The following RPS6KC1 variants were observed in gnomAD, a reference collection of about 807,000 sequenced individuals.
RPS6KC1 encodes ribosomal protein S6 kinase C1.
A neutral mutation model predicts 103.8 loss-of-function variants in RPS6KC1; 54 were observed. That is an observed-to-expected ratio of 0.52 (90% CI 0.42 to 0.65). The LOEUF is 0.65. Among genes scored for constraint, RPS6KC1 ranks in the 30% least tolerant of loss-of-function variants. The probability of loss-of-function intolerance (pLI) is 0.00; values close to 1 mark genes in which losing one functional copy is unlikely to be tolerated. For missense variants in RPS6KC1, 1,151 were observed against 1,253.8 expected, an observed-to-expected ratio of 0.92 and a Z score of 1.24; for synonymous variants, 439 against 438.7, an observed-to-expected ratio of 1.00 and a Z score of -0.01.
rs1241391605 is a variant in RPS6KC1 at position 213,205,110 on chromosome 1, C to CT, written c.1045-25386dup. The CT allele has an allele frequency of 4.2e-5, 10 of 239,104 alleles. No homozygotes were observed. The South Asian group carries it at 9.2e-4, about 22-fold the overall frequency. The allele number at this position is 239,104 out of a possible 1,614,324, so 14.8% of individuals were successfully genotyped here. ...AGATACATCTCTTTGGATCCATGCT[C>CT]TAAGTAGAATTGTGTTGTATACCTT... is the stretch of plus-strand genomic sequence containing the variant. On this transcript the variant is annotated intron_variant, in intron 8 of 14. Coordinates refer to ENST00000366960, the MANE Select transcript of RPS6KC1 (RefSeq NM_012424.6).
At chr1:213,057,220 C>T (rs187076937) in intron 1 of RPS6KC1, among the ~76,000 whole-genome samples, 43 of 152,186 alleles carry the variant, frequency 2.8e-4, no homozygotes, top group Admixed American at 2.3e-3. Flanking sequence ...GGATTACAGG[C>T]GTGAGCCACC....
At chr1:213,626,990 G>A in the RPS6KC1 span, among the ~76,000 whole-genome samples, 37 of 152,276 alleles carry the variant, frequency 2.4e-4, no homozygotes, top group South Asian at 1.5e-3. Flanking sequence ...GATAGGGATA[G>A]CATTGAATCT....
chr1:213,529,856 A>G, the RPS6KC1 span, among the ~76,000 whole-genome samples: 2 of 152,238 alleles, frequency 1.3e-5, no homozygotes, highest in South Asian at 2.1e-4. Flanking sequence ...TGGTAGGCCA[A>G]TTCTCCTCTG....
intron 8 of RPS6KC1, among the ~76,000 whole-genome samples, chr1:213,197,947 C>T (rs184209281): frequency 4.6e-5 from 7 of 152,090 alleles, no homozygotes; most frequent in African/African-American, 1.2e-4. Flanking sequence ...CATTTACAGT[C>T]GATGTTAGTA....
chr1:213,244,213 G>C (rs952273831), intron 12 of RPS6KC1, among the ~76,000 whole-genome samples: 1 of 151,054 alleles, frequency 6.6e-6, no homozygotes, highest in Non-Finnish European at 1.5e-5. Context: ...AAAAAAACCA[G>C]ATCCTCCCCA....
chr1:213,562,875 G>A, the RPS6KC1 span, among the ~76,000 whole-genome samples: 1 of 151,756 alleles, frequency 6.6e-6, no homozygotes, highest in African/African-American at 2.4e-5. Context: ...TGTTGCCCAG[G>A]CTGGTCTTGA....
At chr1:213,800,692 G>A in the RPS6KC1 span, among the ~76,000 whole-genome samples, 1 of 152,030 alleles carries the variant, frequency 6.6e-6, no homozygotes, top group Admixed American at 6.5e-5. Context: ...ATGGTATCCT[G>A]GTCATAAGTC....
intron 8 of RPS6KC1, among the ~76,000 whole-genome samples, chr1:213,229,214 TC>T (rs1182487084): frequency 6.6e-6 from 1 of 152,208 alleles, no homozygotes; most frequent in Non-Finnish European, 1.5e-5. Flanking sequence ...CACTATTTTT[TC>T]AACTTTAATA....
chr1:213,830,368 T>TC, the RPS6KC1 span, among the ~76,000 whole-genome samples: 336 of 152,180 alleles, frequency 2.2e-3, no homozygotes, highest in African/African-American at 7.9e-3. Flanking sequence ...CACCTTTTCA[T>TC]CCCCCCAATG....
At chr1:213,756,769 A>G in the RPS6KC1 span, among the ~76,000 whole-genome samples, 307 of 151,988 alleles carry the variant, frequency 2.0e-3, no homozygotes, top group African/African-American at 7.1e-3. Flanking sequence ...GGCACACACC[A>G]CTGCACCCAG....
chr1:213,223,865 A>G (rs182104274), intron 8 of RPS6KC1, among the ~76,000 whole-genome samples: 1 of 152,326 alleles, frequency 6.6e-6, no homozygotes, highest in East Asian at 1.9e-4. Context: ...CTGGAGTCCC[A>G]TGAAGTAACT....
At chr1:213,420,869 C>T in the RPS6KC1 span, among the ~76,000 whole-genome samples, 3 of 152,274 alleles carry the variant, frequency 2.0e-5, no homozygotes, top group Non-Finnish European at 2.9e-5. Context: ...ACCCCATGCA[C>T]GCCTCTCTCC....
chr1:213,435,771 T>TA, the RPS6KC1 span, among the ~76,000 whole-genome samples: 1 of 152,248 alleles, frequency 6.6e-6, no homozygotes, highest in Admixed American at 6.5e-5. Flanking sequence ...CACATGTTAA[T>TA]TAGTTCTTTG....
chr1:213,362,043 A>G, the RPS6KC1 span, among the ~76,000 whole-genome samples: 1 of 152,218 alleles, frequency 6.6e-6, no homozygotes, highest in East Asian at 1.9e-4. Flanking sequence ...CTTTTTGCAT[A>G]TATCCTTCAC....
At chr1:213,278,302 A>C (rs564181095), downstream of RPS6KC1, among the ~76,000 whole-genome samples, 2 of 151,818 alleles carry the variant, frequency 1.3e-5, no homozygotes, top group African/African-American at 4.8e-5. Context: ...GTCAAAGGGG[A>C]CTGTAGAAGA....
At chr1:213,372,583 G>C in the RPS6KC1 span, among the ~76,000 whole-genome samples, 1 of 152,148 alleles carries the variant, frequency 6.6e-6, no homozygotes, top group Non-Finnish European at 1.5e-5. Flanking sequence ...TGGGAACTTC[G>C]CTTTGTCATT....
chr1:213,490,825 T>C, the RPS6KC1 span, among the ~76,000 whole-genome samples: 1,976 of 151,550 alleles, frequency 0.013, 41 homozygotes, highest in African/African-American at 0.045. Context: ...AGGAGGGGAG[T>C]GTTCTCTAGA....
the RPS6KC1 span, among the ~76,000 whole-genome samples, chr1:213,651,885 G>A: frequency 6.6e-6 from 1 of 152,106 alleles, no homozygotes; most frequent in South Asian, 2.1e-4. Context: ...TTCCCACGTG[G>A]CCTGAGCTCC....
the RPS6KC1 span, among the ~76,000 whole-genome samples, chr1:213,332,510 C>T: frequency 6.6e-6 from 1 of 152,208 alleles, no homozygotes; most frequent in African/African-American, 2.4e-5. Context: ...TCTCTGGCAG[C>T]AGGACGGCCA....
Sources: allele counts gnomAD v4.1 joint callset (sites outside exome capture counted in the v4.1 genomes callset), GRCh38; gene constraint gnomAD v4.1.1; transcripts MANE v1.5; gene names NCBI Gene and HGNC (gene_info 2026-07-23, HGNC 2026-07-21).